The following SUGCT variants were observed in gnomAD, a reference collection of about 807,000 sequenced individuals.
SUGCT encodes succinyl-CoA:glutarate CoA-transferase.
In SUGCT, 41 loss-of-function variants were observed where a neutral mutation model predicts 55.0. The ratio of observed to expected loss-of-function variants is 0.74; its 90% CI spans 0.58 to 0.97. SUGCT has a LOEUF of 0.97. Ranked by LOEUF, SUGCT falls within the 50% of genes least tolerant of loss-of-function variation. SUGCT has a pLI of 0.00. For synonymous variants in SUGCT, 187 were observed against 200.4 expected (o/e 0.93, Z 0.56); for missense variants, 568 against 547.8 (o/e 1.04, Z -0.37).
At chr7:41,038,439 C>T in the SUGCT span, among the ~76,000 whole-genome samples, 23 of 152,336 alleles carry the variant, frequency 1.5e-4, no homozygotes, top group Middle Eastern at 3.4e-3. Flanking sequence ...GGGAATGTTC[C>T]GCAGGCCTGT....
At chr7:40,191,859 C>T (rs562265147) in intron 5 of SUGCT, among the ~76,000 whole-genome samples, 74 of 152,122 alleles carry the variant, frequency 4.9e-4, no homozygotes, top group Non-Finnish European at 9.6e-4. Context: ...CCTGTAATCC[C>T]AGCACTTTGG....
chr7:40,846,029 G>A (rs542599006), intron 13 of SUGCT, among the ~76,000 whole-genome samples: 2 of 152,258 alleles, frequency 1.3e-5, no homozygotes, highest in South Asian at 4.2e-4. Context: ...AAATTGAATC[G>A]AAACGTGATC....
chr7:40,963,949 C>A, the SUGCT span, among the ~76,000 whole-genome samples: 6 of 152,310 alleles, frequency 3.9e-5, no homozygotes, highest in African/African-American at 1.2e-4. Flanking sequence ...GAAGGGATAT[C>A]CTGGACTTGT....
chr7:40,502,171 T>C (rs1435959427), intron 12 of SUGCT, among the ~76,000 whole-genome samples: 1 of 152,134 alleles, frequency 6.6e-6, no homozygotes, highest in Non-Finnish European at 1.5e-5. Flanking sequence ...CTATAGTTTA[T>C]TCATCAAGCT....
At chr7:40,502,333 T>C (rs555559758) in intron 12 of SUGCT, among the ~76,000 whole-genome samples, 2 of 152,154 alleles carry the variant, frequency 1.3e-5, no homozygotes, top group South Asian at 4.1e-4. Flanking sequence ...GAAAACTGAA[T>C]TATACTATTT....
chr7:40,425,033 AAAAAAGTC>A (rs1321275859), intron 9 of SUGCT, among the ~76,000 whole-genome samples: 1 of 152,164 alleles, frequency 6.6e-6, no homozygotes, highest in Non-Finnish European at 1.5e-5. Context: ...CAACATAAAG[AAAAAAGTC>A]AGTGTTCTCA....
At chr7:41,022,812 T>TA in the SUGCT span, among the ~76,000 whole-genome samples, 6 of 151,960 alleles carry the variant, frequency 3.9e-5, no homozygotes, top group East Asian at 5.8e-4. Flanking sequence ...AAAGAAAGTA[T>TA]AAAAAAAATA....
chr7:40,141,782 A>T (rs1276591437), intron 1 of SUGCT: 1 of 351,478 alleles, frequency 2.8e-6, no homozygotes, highest in African/African-American at 2.1e-5. Context: ...GTGCCACAAA[A>T]GAAATAGCAC....
chr7:40,195,222 C>CTTTTTTTTTTTT (rs11326653), intron 6 of SUGCT, among the ~76,000 whole-genome samples, 162 bp downstream of exon 6: 2 of 101,300 alleles, frequency 2.0e-5, no homozygotes, highest in Non-Finnish European at 1.9e-5. Flanking sequence ...TTTCTTTTTT[C>CTTTTTTTTTTTT]TTTTTTTTTT....
At chr7:40,267,789 G>A (rs1739145291) in intron 7 of SUGCT, among the ~76,000 whole-genome samples, 1 of 152,092 alleles carries the variant, frequency 6.6e-6, no homozygotes, top group Admixed American at 6.6e-5. Context: ...ATTTATTTTT[G>A]CTTCCTTATT....
intron 12 of SUGCT, among the ~76,000 whole-genome samples, chr7:40,614,584 T>A (rs1334453231): frequency 6.6e-6 from 1 of 151,684 alleles, no homozygotes; most frequent in African/African-American, 2.4e-5. Context: ...GTTGTGCTGT[T>A]TTTTTTTAAA....
intron 12 of SUGCT, among the ~76,000 whole-genome samples, chr7:40,562,971 T>C (rs555853173): frequency 6.6e-6 from 1 of 152,158 alleles, no homozygotes; most frequent in Admixed American, 6.5e-5. Flanking sequence ...ATTTTATTTC[T>C]CTCTCTCAGT....
At chr7:40,315,510 G>A (rs1795377196) in intron 8 of SUGCT, among the ~76,000 whole-genome samples, 1 of 152,210 alleles carries the variant, frequency 6.6e-6, no homozygotes, top group Non-Finnish European at 1.5e-5. Context: ...TTCCAATTTT[G>A]ACAGAGCGGT....
At chr7:40,694,712 C>G (rs1460347333) in intron 12 of SUGCT, among the ~76,000 whole-genome samples, 3 of 152,242 alleles carry the variant, frequency 2.0e-5, no homozygotes, top group East Asian at 3.9e-4. Flanking sequence ...AATTTGTCCT[C>G]TTTTCAACAG....
chr7:40,358,424 T>C (rs1365800662), intron 9 of SUGCT, among the ~76,000 whole-genome samples: 1 of 152,020 alleles, frequency 6.6e-6, no homozygotes, highest in African/African-American at 2.4e-5. Flanking sequence ...TAAAAAGTTA[T>C]TCAGAGGGCC....
intron 12 of SUGCT, among the ~76,000 whole-genome samples, chr7:40,532,526 C>CTGTGTG (rs3048827): frequency 0.031 from 4,171 of 134,102 alleles, 159 homozygotes; most frequent in African/African-American, 0.085. Context: ...GCAAGTATGT[C>CTGTGTG]TGTGTGTGTG....
At chr7:40,565,265 C>T (rs112235359) in intron 12 of SUGCT, among the ~76,000 whole-genome samples, 7 of 152,138 alleles carry the variant, frequency 4.6e-5, no homozygotes, top group Non-Finnish European at 1.0e-4. Context: ...AGGAAACCTC[C>T]TTTCTGTTGA....
intron 12 of SUGCT, among the ~76,000 whole-genome samples, chr7:40,513,956 A>AT (rs978293967): frequency 3.3e-5 from 5 of 151,354 alleles, no homozygotes; most frequent in African/African-American, 9.7e-5. Flanking sequence ...TGCCCGGCTA[A>AT]TTTTTTTGTA....
intron 9 of SUGCT, among the ~76,000 whole-genome samples, chr7:40,377,172 T>TA: frequency 6.0e-5 from 1 of 16,604 alleles, no homozygotes; most frequent in East Asian, 1.1e-3. Context: ...CTTTCTTTCT[T>TA]TCTTTCTTTC....
Sources: gnomAD v4.1 joint callset for allele counts (sites outside exome capture counted in the v4.1 genomes callset) on GRCh38, gnomAD v4.1.1 for gene constraint, MANE v1.5 for transcripts, NCBI Gene and HGNC (gene_info 2026-07-23, HGNC 2026-07-21) for gene names.